TTLL9: variants seen among roughly 807,000 people sequenced by gnomAD.
TTLL9 encodes tubulin tyrosine ligase like 9.
Under a neutral mutation model 65.6 loss-of-function variants are expected in TTLL9, and 47 were observed. The ratio of observed to expected loss-of-function variants is 0.72; its 90% CI spans 0.57 to 0.91. The LOEUF (loss-of-function observed/expected upper bound fraction) is 0.91. TTLL9 is among the 40% of genes least tolerant of loss of function. The pLI is 0.00. For missense variants in TTLL9, 537 were observed against 568.8 expected, an observed-to-expected ratio of 0.94 and a Z score of 0.57; for synonymous variants, 179 against 204.8, an observed-to-expected ratio of 0.87 and a Z score of 1.07.
intron 4 of TTLL9, among the ~76,000 whole-genome samples, chr20:31,905,438 T>TG (rs1413605056): frequency 5.3e-5 from 8 of 152,158 alleles, no homozygotes; most frequent in African/African-American, 1.9e-4. Flanking sequence ...CGAACCACTG[T>TG]GCCTGGGGCA....
At chr20:31,923,146 C>G in intron 8 of TTLL9, 93 bp downstream of exon 8, 1 of 962,916 alleles carries the variant, frequency 1.0e-6, no homozygotes, top group Admixed American at 1.7e-5. Flanking sequence ...AAGGGCCCAG[C>G]CTGACACCAG....
intron 12 of TTLL9, 23 bp downstream of exon 12, chr20:31,934,911 C>A (rs1308067485): frequency 6.3e-7 from 1 of 1,599,144 alleles, no homozygotes; most frequent in South Asian, 1.1e-5. Context: ...GTGGGAGAGC[C>A]AGGAGGTCAT....
intron 6 of TTLL9, among the ~76,000 whole-genome samples, chr20:31,918,246 A>G (rs1330596772): frequency 6.6e-6 from 1 of 152,150 alleles, no homozygotes; most frequent in Non-Finnish European, 1.5e-5. Context: ...GCATGAGGCC[A>G]GAAAGGGAAC....
intron 3 of TTLL9, among the ~76,000 whole-genome samples, chr20:31,889,972 C>CTCTTTCTTTCTT (rs758616240): frequency 0.016 from 1,778 of 113,910 alleles, 18 homozygotes; most frequent in Middle Eastern, 0.022. Flanking sequence ...CCACATCTCT[C>CTCTTTCTTTCTT]TCTTTCTTTC....
At chr20:31,933,560 C>T (rs1164854383) in intron 10 of TTLL9, among the ~76,000 whole-genome samples, 1 of 152,090 alleles carries the variant, frequency 6.6e-6, no homozygotes, top group East Asian at 1.9e-4. Context: ...CTGCTATGTA[C>T]CCCCATTAAA....
chr20:31,871,283 G>A, intron 2 of TTLL9, 88 bp downstream of exon 2: 1 of 1,452,276 alleles, frequency 6.9e-7, no homozygotes, highest in Non-Finnish European at 9.7e-7. Flanking sequence ...TCAGGGTCCT[G>A]GAAGGGGTCT....
chr20:31,919,007 G>T (rs563025466), intron 6 of TTLL9, among the ~76,000 whole-genome samples: 1 of 152,204 alleles, frequency 6.6e-6, no homozygotes, highest in Non-Finnish European at 1.5e-5. Context: ...GGCCAGGTGG[G>T]CCATGCTCAG....
At position 31,925,783 on chromosome 20, in the gene TTLL9, G is replaced by A. The variant is rs1393136653; in HGVS notation, c.706-266G>A. 8.2e-6 allele frequency: 10 copies of A among 1,217,848 alleles called. No individual in the cohort carries two copies. The Admixed American group carries it at 1.8e-4, about 22-fold the overall frequency. The allele number at this position is 1,217,848 out of a possible 1,614,324, so 75.4% of individuals were successfully genotyped here. On this transcript the variant is annotated intron_variant, in intron 9 of 14. Coordinates refer to ENST00000535842, the MANE Select transcript of TTLL9 (RefSeq NM_001008409.5). ...AAGACATAAGGGCACTCCGGGTGGA[G>A]GAAACGGTAGGTGCAAGAGCTAGGC...
chr20:31,874,829 C>T (rs1464665425), intron 2 of TTLL9, among the ~76,000 whole-genome samples: 4 of 152,004 alleles, frequency 2.6e-5, no homozygotes, highest in South Asian at 2.1e-4. Flanking sequence ...GATGAGATGA[C>T]GGAAGCAGAA....
chr20:31,870,905 C>T lies in TTLL9; in HGVS notation c.-50C>T, dbSNP rs968919220. On this transcript the variant is annotated 5_prime_UTR_variant, in exon 1 of 15. Coordinates refer to ENST00000535842, the MANE Select transcript of TTLL9 (RefSeq NM_001008409.5). This position sits in a 1 kb window ranked among gnomAD's most constrained non-coding sequence, Gnocchi z 6.6. The stretch of plus-strand genomic sequence containing the variant: ...AAACGTGACGGGGCTGGACTTTGAT[C>T]GCCGAGGGCTCTCTGCTCTTCAGAG... 1 of 579,670 alleles carries T rather than the reference C, an allele frequency of 1.7e-6. No individual in the cohort carries two copies. The highest frequency in any genetic ancestry group is 3.1e-6 in the Non-Finnish European group (1 of 326,372). 35.9% of individuals were successfully genotyped at this position (579,670 alleles called of 1,614,324 possible).
chr20:31,926,155 G>A, intron 10 of TTLL9, 64 bp downstream of exon 10: 3 of 1,134,766 alleles, frequency 2.6e-6, no homozygotes, highest in Admixed American at 1.8e-5. Context: ...GATTCCATGG[G>A]AGAGGCCAAC....
chr20:31,911,795 A>C (rs1180519374), intron 6 of TTLL9, among the ~76,000 whole-genome samples: 1 of 151,664 alleles, frequency 6.6e-6, no homozygotes, highest in African/African-American at 2.4e-5. Flanking sequence ...CTACAGCTGT[A>C]ATTTAGAGGA....
rs557412260 is a variant in TTLL9 at position 31,939,656 on chromosome 20, G to A, written c.1243+390G>A. On this transcript the variant is annotated intron_variant, in intron 14 of 14. Coordinates refer to ENST00000535842, the MANE Select transcript of TTLL9 (RefSeq NM_001008409.5). ...GTTTTGAATCCCTCTTTTCCCCTTG[G>A]CATTTTTCATTCAAGCATATTAAGA... 107 of 157,162 alleles carry A rather than the reference G, an allele frequency of 6.8e-4. 1 individual carries two copies. The South Asian group carries it at 0.017, about 24-fold the overall frequency. 9.7% of individuals were successfully genotyped at this position (157,162 alleles called of 1,614,324 possible).
chr20:31,873,680 GAGAGAGAAAGAA>G (rs1308642183), intron 2 of TTLL9, among the ~76,000 whole-genome samples: 13 of 100,324 alleles, frequency 1.3e-4, no homozygotes, highest in African/African-American at 4.9e-4. Flanking sequence ...AAGAAAGAGA[GAGAGAGAAAGAA>G]AGAAAGAAAG....
At chr20:31,902,558 G>A (rs6121266) in intron 4 of TTLL9, among the ~76,000 whole-genome samples, 2 of 151,908 alleles carry the variant, frequency 1.3e-5, no homozygotes, top group Non-Finnish European at 2.9e-5. Context: ...CTGCTGTGTA[G>A]GAGTACCACA....
At chr20:31,880,731 C>T (rs954268109) in intron 2 of TTLL9, among the ~76,000 whole-genome samples, 3 of 152,098 alleles carry the variant, frequency 2.0e-5, no homozygotes, top group Non-Finnish European at 4.4e-5. Context: ...TCGTGATCTG[C>T]CCGCCTCGGC....
chr20:31,883,090 A>G (rs1311447955), intron 2 of TTLL9, among the ~76,000 whole-genome samples: 1 of 151,886 alleles, frequency 6.6e-6, no homozygotes, highest in Admixed American at 6.6e-5. Context: ...AGAGACCCCC[A>G]CCCTTAGTAA....
intron 2 of TTLL9, chr20:31,879,679 T>A: frequency 1.4e-6 from 1 of 727,012 alleles, no homozygotes; most frequent in Non-Finnish European, 2.2e-6. Context: ...GTTGAGGAAG[T>A]CGGGGGACCT....
chr20:31,877,464 A>T (rs1227320722), intron 2 of TTLL9, among the ~76,000 whole-genome samples: 4 of 152,218 alleles, frequency 2.6e-5, no homozygotes, highest in African/African-American at 4.8e-5. Context: ...AGTCAGATTT[A>T]AACTGATCAT....
Sources: gnomAD v4.1 joint callset for allele counts (sites outside exome capture counted in the v4.1 genomes callset) on GRCh38, gnomAD v4.1.1 for gene constraint, Gnocchi (gnomAD v3.1) non-coding constraint, MANE v1.5 for transcripts, NCBI Gene and HGNC (gene_info 2026-07-23, HGNC 2026-07-21) for gene names.